Variants in TAFA2 observed in about 807,000 individuals in gnomAD.
TAFA2 encodes the protein TAFA chemokine like family member 2, also known as chemokine-like protein TAFA-2.
In TAFA2, 7 loss-of-function variants were observed where a neutral mutation model predicts 18.8. That is an observed-to-expected ratio of 0.37 (90% CI 0.21 to 0.70). The LOEUF (loss-of-function observed/expected upper bound fraction) is 0.70, where lower values mean the gene tolerates loss of function less well. Ranked by LOEUF, TAFA2 falls within the 30% of genes least tolerant of loss-of-function variation. The pLI is 0.53. For synonymous variants in TAFA2, 60 were observed against 54.2 expected (o/e 1.11, Z -0.47); for missense variants, 122 against 158.1 (o/e 0.77, Z 1.23).
chr12:61,998,121 A>G (rs907345718), intron 1 of TAFA2, among the ~76,000 whole-genome samples: 1 of 152,156 alleles, frequency 6.6e-6, no homozygotes, highest in Non-Finnish European at 1.5e-5. Context: ...GAACAAATAT[A>G]AGGAAAGAAT....
intron 2 of TAFA2, among the ~76,000 whole-genome samples, chr12:61,755,723 C>T (rs1869232918): frequency 6.6e-6 from 1 of 152,088 alleles, no homozygotes; most frequent in African/African-American, 2.4e-5. Context: ...GTCCAATAAG[C>T]TGTCAGGCTT....
At chr12:62,040,888 T>A (rs572270778) in intron 1 of TAFA2, among the ~76,000 whole-genome samples, 3 of 152,292 alleles carry the variant, frequency 2.0e-5, no homozygotes, top group African/African-American at 7.2e-5. Context: ...ACAATTATTG[T>A]TTTTCTAAAA....
At chr12:62,153,921 ATTATG>A (rs60466452) in intron 1 of TAFA2, among the ~76,000 whole-genome samples, 3,773 of 124,076 alleles carry the variant, frequency 0.03, 74 homozygotes, top group East Asian at 0.071. Context: ...ACATAACAAA[ATTATG>A]TTATGTTATG....
At chr12:61,767,610 C>T (rs952396232) in intron 2 of TAFA2, among the ~76,000 whole-genome samples, 1 of 152,036 alleles carries the variant, frequency 6.6e-6, no homozygotes, top group East Asian at 1.9e-4. Context: ...TCTTTTCTCA[C>T]ACACGGAAGG....
chr12:61,811,567 C>T (rs1242165972), intron 2 of TAFA2, among the ~76,000 whole-genome samples: 1 of 151,348 alleles, frequency 6.6e-6, no homozygotes, highest in Non-Finnish European at 1.5e-5. Context: ...TAGTTGGGAA[C>T]ATGAGCCATA....
intron 1 of TAFA2, among the ~76,000 whole-genome samples, chr12:61,884,758 A>G (rs1393561279): frequency 6.6e-6 from 1 of 152,206 alleles, no homozygotes; most frequent in African/African-American, 2.4e-5. Flanking sequence ...TAAAACTACT[A>G]TGCAATATGT....
At chr12:62,206,839 T>C (rs756771072) in intron 1 of TAFA2, 11 of 151,518 alleles carry the variant, frequency 7.3e-5, no homozygotes, top group Admixed American at 2.6e-4. Flanking sequence ...TGATATCACA[T>C]ATTTTGGTTA....
chr12:61,768,305 G>A (rs1291834158), intron 2 of TAFA2, among the ~76,000 whole-genome samples: 1 of 152,090 alleles, frequency 6.6e-6, no homozygotes, highest in Non-Finnish European at 1.5e-5. Flanking sequence ...AAAAAATGGT[G>A]AAAAGTAGGT....
At chr12:62,093,028 G>A (rs1346766950) in intron 1 of TAFA2, among the ~76,000 whole-genome samples, 2 of 151,872 alleles carry the variant, frequency 1.3e-5, no homozygotes, top group African/African-American at 4.8e-5. Context: ...TAGTCCATTC[G>A]CATCTTCTTT....
At chr12:61,871,068 G>A (rs10784271) in intron 1 of TAFA2, among the ~76,000 whole-genome samples, 124,526 of 152,072 alleles carry the variant, frequency 0.82, 51,226 homozygotes, top group African/African-American at 0.91. Context: ...GGAAGGAAGT[G>A]TGTGTCATCT....
intron 1 of TAFA2, among the ~76,000 whole-genome samples, chr12:61,930,716 A>G (rs550646335): frequency 6.6e-6 from 1 of 152,360 alleles, no homozygotes; most frequent in African/African-American, 2.4e-5. Flanking sequence ...CGCCAGATTC[A>G]TGTTCCTCAA....
chr12:62,219,474 GAATTT>G (rs1306018154), intron 1 of TAFA2, among the ~76,000 whole-genome samples: 1 of 152,076 alleles, frequency 6.6e-6, no homozygotes, highest in African/African-American at 2.4e-5. Flanking sequence ...ACATAAACCT[GAATTT>G]TTGTATACCA....
intron 1 of TAFA2, among the ~76,000 whole-genome samples, chr12:62,173,890 CAT>C (rs1164910691): frequency 1.3e-5 from 2 of 152,192 alleles, no homozygotes; most frequent in African/African-American, 4.8e-5. Context: ...GATGGAGAGA[CAT>C]AGCGTATAGG....
At chr12:62,231,564 T>G (rs1355093336) in intron 1 of TAFA2, among the ~76,000 whole-genome samples, 1 of 152,228 alleles carries the variant, frequency 6.6e-6, no homozygotes, top group Non-Finnish European at 1.5e-5. Context: ...TCTGTTTACA[T>G]TCAGTGTTAT....
intron 1 of TAFA2, among the ~76,000 whole-genome samples, chr12:62,043,368 A>C (rs1051315355): frequency 1.3e-5 from 2 of 152,146 alleles, no homozygotes; most frequent in African/African-American, 4.8e-5. Flanking sequence ...CAAGGACAAA[A>C]AACCAAACAC....
chr12:62,053,803 A>G (rs909015978), intron 1 of TAFA2, among the ~76,000 whole-genome samples: 31 of 152,204 alleles, frequency 2.0e-4, no homozygotes, highest in African/African-American at 6.3e-4. Context: ...TCTGAGTTTC[A>G]TAAACTGGAA....
chr12:62,064,411 G>T (rs1882433693), intron 1 of TAFA2, among the ~76,000 whole-genome samples: 1 of 151,906 alleles, frequency 6.6e-6, no homozygotes, highest in Non-Finnish European at 1.5e-5. Flanking sequence ...CAAAAACACA[G>T]TTGTGCCAAT....
At chr12:61,819,554 A>G (rs1232969677) in intron 2 of TAFA2, among the ~76,000 whole-genome samples, 5 of 152,176 alleles carry the variant, frequency 3.3e-5, no homozygotes, top group Non-Finnish European at 7.4e-5. Context: ...AACTTGTTAG[A>G]TACTGCATTA....
chr12:61,857,819 C>A (rs1355204920), intron 2 of TAFA2, among the ~76,000 whole-genome samples: 1 of 152,076 alleles, frequency 6.6e-6, no homozygotes, highest in Non-Finnish European at 1.5e-5. Flanking sequence ...CCATAAATTT[C>A]TGGTGTGTTG....
Sources: gnomAD v4.1 joint callset for allele counts (sites outside exome capture counted in the v4.1 genomes callset) on GRCh38, gnomAD v4.1.1 for gene constraint, MANE v1.5 for transcripts, NCBI Gene and HGNC (gene_info 2026-07-23, HGNC 2026-07-21) for gene names.